Variants in PPM1E observed in about 807,000 individuals in gnomAD.
The protein encoded by PPM1E is protein phosphatase 1E.
In PPM1E, 20 loss-of-function variants were observed where a neutral mutation model predicts 65.9. The observed-to-expected ratio is 0.30, with a 90% CI of 0.21 to 0.44. The LOEUF (loss-of-function observed/expected upper bound fraction) is 0.44. PPM1E is among the 20% of genes least tolerant of loss of function. PPM1E has a pLI of 1.00. For missense variants in PPM1E, 713 were observed against 953.1 expected (o/e 0.75, Z 3.32); for synonymous variants, 352 against 374.9 (o/e 0.94, Z 0.70).
intron 1 of PPM1E, among the ~76,000 whole-genome samples, chr17:58,873,409 T>A (rs182015328): frequency 2.0e-5 from 3 of 151,940 alleles, no homozygotes; most frequent in Non-Finnish European, 2.9e-5. Flanking sequence ...ATATCAAACA[T>A]TGAAGAATAC....
chr17:58,955,347 A>G (rs1205917173), intron 1 of PPM1E, among the ~76,000 whole-genome samples: 1 of 152,184 alleles, frequency 6.6e-6, no homozygotes, highest in Non-Finnish European at 1.5e-5. Context: ...CCTGGGCGAC[A>G]GAGCAAAACT....
At chr17:58,936,181 G>A (rs1314076514) in intron 1 of PPM1E, among the ~76,000 whole-genome samples, 1 of 152,026 alleles carries the variant, frequency 6.6e-6, no homozygotes, top group African/African-American at 2.4e-5. Flanking sequence ...TAGAAAGAAA[G>A]AAAATAGCTT....
chr17:58,902,709 T>C (rs2051511957), intron 1 of PPM1E, among the ~76,000 whole-genome samples: 1 of 152,194 alleles, frequency 6.6e-6, no homozygotes, highest in African/African-American at 2.4e-5. Flanking sequence ...ACTGCCATCA[T>C]TGTTTTGCTT....
intron 2 of PPM1E, among the ~76,000 whole-genome samples, chr17:58,957,885 G>A (rs2029902512): frequency 6.6e-6 from 1 of 152,222 alleles, no homozygotes; most frequent in African/African-American, 2.4e-5. Flanking sequence ...ACTCATGCCT[G>A]TAATGCCAGT....
chr17:58,916,275 A>G (rs73315152), intron 1 of PPM1E, among the ~76,000 whole-genome samples: 3,553 of 152,332 alleles, frequency 0.023, 135 homozygotes, highest in African/African-American at 0.081. Flanking sequence ...CATAAAGACA[A>G]TGTCTAGCAC....
intron 2 of PPM1E, among the ~76,000 whole-genome samples, chr17:58,959,423 C>A (rs1189370686): frequency 6.7e-6 from 1 of 150,256 alleles, no homozygotes; most frequent in Non-Finnish European, 1.5e-5. Flanking sequence ...CACGGTGAAA[C>A]CCCGTCTCTA....
At chr17:58,852,500 G>A (rs569211581) in intron 1 of PPM1E, among the ~76,000 whole-genome samples, 2 of 151,380 alleles carry the variant, frequency 1.3e-5, no homozygotes, top group African/African-American at 2.4e-5. Flanking sequence ...TAATTAGTAT[G>A]TACCTCATTA....
At chr17:58,774,858 C>G (rs76374068) in intron 1 of PPM1E, among the ~76,000 whole-genome samples, 1 of 146,118 alleles carries the variant, frequency 6.8e-6, no homozygotes, top group Admixed American at 6.9e-5. Flanking sequence ...CTGGGTAGTT[C>G]TTTTTTTTTT....
At chr17:58,916,485 G>A (rs975070218) in intron 1 of PPM1E, among the ~76,000 whole-genome samples, 4 of 152,072 alleles carry the variant, frequency 2.6e-5, no homozygotes, top group Admixed American at 6.6e-5. Context: ...GTATAGCCCC[G>A]CACAGTGGCT....
At chr17:58,812,470 G>A (rs1291345271) in intron 1 of PPM1E, among the ~76,000 whole-genome samples, 1 of 152,096 alleles carries the variant, frequency 6.6e-6, no homozygotes, top group Non-Finnish European at 1.5e-5. Context: ...AATGTCATCT[G>A]ATCACCTGAG....
chr17:58,901,241 A>T (rs1219143939), intron 1 of PPM1E, among the ~76,000 whole-genome samples: 1 of 152,248 alleles, frequency 6.6e-6, no homozygotes, highest in Non-Finnish European at 1.5e-5. Flanking sequence ...TCATCATAAA[A>T]AATGTGAATA....
chr17:58,902,295 T>A (rs2051507897), intron 1 of PPM1E, among the ~76,000 whole-genome samples: 1 of 152,008 alleles, frequency 6.6e-6, no homozygotes, highest in African/African-American at 2.4e-5. Context: ...AGGGTTGCAG[T>A]CAAATTAATT....
intron 2 of PPM1E, 48 bp downstream of exon 2, chr17:58,955,815 T>C: frequency 6.6e-7 from 1 of 1,523,454 alleles, no homozygotes; most frequent in Non-Finnish European, 8.8e-7. Flanking sequence ...GAATCTTCTA[T>C]ATGTAGTGGT....
intron 4 of PPM1E, 108 bp from the exon 5 acceptor site, chr17:58,972,024 T>C (rs2030665003): frequency 9.6e-7 from 1 of 1,038,118 alleles, no homozygotes; most frequent in Non-Finnish European, 1.4e-6. Context: ...AATTCCATTA[T>C]TAATAGTATA....
intron 1 of PPM1E, among the ~76,000 whole-genome samples, chr17:58,954,960 C>T (rs1337003365): frequency 1.3e-5 from 2 of 151,550 alleles, no homozygotes; most frequent in Non-Finnish European, 2.9e-5. Flanking sequence ...CCCACTACGA[C>T]ATAACTGAGT....
intron 1 of PPM1E, among the ~76,000 whole-genome samples, chr17:58,925,700 A>G (rs2051815646): frequency 1.3e-5 from 2 of 152,024 alleles, no homozygotes; most frequent in South Asian, 4.1e-4. Flanking sequence ...TCAGCCTCCC[A>G]AAGTACTGGG....
intron 1 of PPM1E, among the ~76,000 whole-genome samples, chr17:58,836,919 C>T (rs1230955870): frequency 6.7e-6 from 1 of 148,322 alleles, no homozygotes; most frequent in Non-Finnish European, 1.5e-5. Context: ...ACACGGGAGG[C>T]TGAGGCAGGA....
At chr17:58,894,669 TAC>T (rs199979640) in intron 1 of PPM1E, among the ~76,000 whole-genome samples, 1 of 151,956 alleles carries the variant, frequency 6.6e-6, no homozygotes, top group African/African-American at 2.4e-5. Flanking sequence ...ATTTTCCATA[TAC>T]ACACACACAT....
At chr17:58,933,556 G>A (rs1230965100) in intron 1 of PPM1E, among the ~76,000 whole-genome samples, 1 of 152,164 alleles carries the variant, frequency 6.6e-6, no homozygotes, top group East Asian at 1.9e-4. Flanking sequence ...AGCATTTTGG[G>A]AGGCCAAGGT....
Sources: gnomAD v4.1 joint callset for allele counts (sites outside exome capture counted in the v4.1 genomes callset) on GRCh38, gnomAD v4.1.1 for gene constraint, MANE v1.5 for transcripts, NCBI Gene and HGNC (gene_info 2026-07-23, HGNC 2026-07-21) for gene names.